PRLR: variants seen among roughly 807,000 people sequenced by gnomAD.
The protein encoded by PRLR is hPRL receptor.
In PRLR, 13 loss-of-function variants were observed where a neutral mutation model predicts 40.2. The observed-to-expected ratio is 0.32, with a 90% CI of 0.21 to 0.51. The LOEUF is 0.51. Among genes scored for constraint, PRLR ranks in the 20% least tolerant of loss-of-function variants. The pLI is 0.97. For synonymous variants in PRLR, 269 were observed against 278.7 expected (o/e 0.97, Z 0.35); for missense variants, 656 against 747.3 (o/e 0.88, Z 1.42).
chr5:35,113,273 TTATCCATC>T (rs1772787440), intron 2 of PRLR, among the ~76,000 whole-genome samples: 1 of 124,914 alleles, frequency 8.0e-6, no homozygotes, highest in African/African-American at 3.3e-5. Context: ...ACCCACCCAT[TTATCCATC>T]CATCCATCCA....
intron 2 of PRLR, among the ~76,000 whole-genome samples, chr5:35,091,831 G>T (rs185456476): frequency 5.9e-5 from 9 of 152,352 alleles, no homozygotes; most frequent in African/African-American, 1.9e-4. Flanking sequence ...CTGATCTGGT[G>T]ATCTCAGCCT....
chr5:35,165,287 G>A (rs1229971069), intron 1 of PRLR, among the ~76,000 whole-genome samples: 1 of 152,134 alleles, frequency 6.6e-6, no homozygotes, highest in East Asian at 1.9e-4. Flanking sequence ...AAAAACACCA[G>A]CAATGAACAC....
chr5:35,210,620 T>C (rs945707845), intron 1 of PRLR, among the ~76,000 whole-genome samples: 4 of 152,220 alleles, frequency 2.6e-5, no homozygotes, highest in African/African-American at 9.6e-5. Context: ...CTAAATTATA[T>C]CCAAGATTTT....
chr5:35,183,327 AAAC>A (rs1448252420), intron 1 of PRLR, among the ~76,000 whole-genome samples: 1 of 152,240 alleles, frequency 6.6e-6, no homozygotes, highest in African/African-American at 2.4e-5. Context: ...CTTCTACAGG[AAAC>A]AACATGTAAT....
chr5:35,192,501 G>C (rs906344590), intron 1 of PRLR, among the ~76,000 whole-genome samples: 3 of 152,184 alleles, frequency 2.0e-5, no homozygotes, highest in East Asian at 1.9e-4. Flanking sequence ...GCCTAAAAAG[G>C]GTTCTGGAAA....
chr5:35,160,221 A>G (rs1294514629), intron 1 of PRLR, among the ~76,000 whole-genome samples: 3 of 151,978 alleles, frequency 2.0e-5, no homozygotes, highest in Non-Finnish European at 4.4e-5. Context: ...ACATGTCACA[A>G]TTGTATGACA....
chr5:35,146,218 T>A (rs1774176997), intron 1 of PRLR, among the ~76,000 whole-genome samples: 2 of 152,094 alleles, frequency 1.3e-5, no homozygotes, highest in South Asian at 4.2e-4. Context: ...GCTGTCAGGG[T>A]GGGGGATATC....
At chr5:35,092,561 GTC>G (rs1394998044) in intron 2 of PRLR, among the ~76,000 whole-genome samples, 1 of 151,732 alleles carries the variant, frequency 6.6e-6, no homozygotes, top group Non-Finnish European at 1.5e-5. Context: ...TTAGGTTTTT[GTC>G]TCTCTGAGTC....
At chr5:35,091,952 T>TTAAG (rs1771240205) in intron 2 of PRLR, among the ~76,000 whole-genome samples, 1 of 152,206 alleles carries the variant, frequency 6.6e-6, no homozygotes. Flanking sequence ...ATCAACATGC[T>TTAAG]ATAAATCAGA....
At chr5:35,116,844 C>T (rs912948721) in intron 2 of PRLR, among the ~76,000 whole-genome samples, 5 of 152,138 alleles carry the variant, frequency 3.3e-5, no homozygotes, top group African/African-American at 9.7e-5. Context: ...AAATTTCAGT[C>T]GATTTCCATG....
intron 1 of PRLR, among the ~76,000 whole-genome samples, chr5:35,218,202 A>AT (rs1183097769): frequency 1.3e-5 from 2 of 152,154 alleles, no homozygotes; most frequent in Non-Finnish European, 2.9e-5. Context: ...GCAGTTTTAA[A>AT]TTTGGAAGTC....
At chr5:35,176,460 G>T (rs1361178315) in intron 1 of PRLR, among the ~76,000 whole-genome samples, 3 of 152,080 alleles carry the variant, frequency 2.0e-5, no homozygotes, top group African/African-American at 7.2e-5. Flanking sequence ...ACTCCATTTT[G>T]TTCTGTACTA....
intron 1 of PRLR, among the ~76,000 whole-genome samples, chr5:35,122,844 G>A (rs1037282201): frequency 1.3e-5 from 2 of 152,164 alleles, no homozygotes; most frequent in African/African-American, 4.8e-5. Context: ...TAGGAGTAGA[G>A]GTACCAGGGT....
chr5:35,181,988 C>T (rs1026285052), intron 1 of PRLR, among the ~76,000 whole-genome samples: 2 of 152,146 alleles, frequency 1.3e-5, no homozygotes, highest in Admixed American at 1.3e-4. Context: ...CTCATGACTA[C>T]CAACTCCCAC....
chr5:35,096,437 T>C (rs932319081), intron 2 of PRLR, among the ~76,000 whole-genome samples: 5 of 152,152 alleles, frequency 3.3e-5, no homozygotes, highest in African/African-American at 1.2e-4. Context: ...AAAACCCACG[T>C]TGGCCTGATT....
chr5:35,203,959 AAAAAAC>A (rs769631124), intron 1 of PRLR, among the ~76,000 whole-genome samples: 10 of 152,096 alleles, frequency 6.6e-5, no homozygotes, highest in Non-Finnish European at 1.5e-4. Flanking sequence ...AGTAGTCACC[AAAAAAC>A]AAAAACAAAA....
chr5:35,110,762 T>C (rs901358451), intron 2 of PRLR, among the ~76,000 whole-genome samples: 3 of 152,192 alleles, frequency 2.0e-5, no homozygotes, highest in South Asian at 2.1e-4. Context: ...TGCAGGAATA[T>C]AGCTGCCAGG....
At chr5:35,224,180 G>A (rs1034574285) in intron 1 of PRLR, among the ~76,000 whole-genome samples, 3 of 152,130 alleles carry the variant, frequency 2.0e-5, no homozygotes, top group Non-Finnish European at 4.4e-5. Flanking sequence ...TCCATAGGAC[G>A]CATGGAGAAA....
intron 1 of PRLR, among the ~76,000 whole-genome samples, chr5:35,169,334 A>G (rs1408603428): frequency 1.3e-5 from 2 of 152,208 alleles, no homozygotes; most frequent in Non-Finnish European, 2.9e-5. Flanking sequence ...AGGCAAAAAT[A>G]TACTTCAGGC....
Sources: gnomAD v4.1 joint callset for allele counts (sites outside exome capture counted in the v4.1 genomes callset) on GRCh38, gnomAD v4.1.1 for gene constraint, MANE v1.5 for transcripts, NCBI Gene and HGNC (gene_info 2026-07-23, HGNC 2026-07-21) for gene names.